Variants in CADM1 observed in about 807,000 individuals in gnomAD.
CADM1 encodes TSLC-1.
CADM1 carries 15 observed loss-of-function variants against 53.1 expected under a neutral mutation model. That is an observed-to-expected ratio of 0.28 (90% CI 0.19 to 0.44). CADM1 has a LOEUF of 0.44. CADM1 is among the 20% of genes least tolerant of loss of function. The probability of loss-of-function intolerance (pLI) is 1.00; values close to 1 mark genes in which losing one functional copy is unlikely to be tolerated. For synonymous variants in CADM1, 281 were observed against 243.0 expected (o/e 1.16, Z -1.45); for missense variants, 434 against 611.3 (o/e 0.71, Z 3.06).
intron 1 of CADM1, among the ~76,000 whole-genome samples, chr11:115,474,889 G>A (rs1014999827): frequency 2.0e-5 from 3 of 152,040 alleles, no homozygotes; most frequent in African/African-American, 7.2e-5. Flanking sequence ...ATACTTACTA[G>A]AATGACTACA....
intron 7 of CADM1, among the ~76,000 whole-genome samples, chr11:115,211,478 T>TC (rs1445232404): frequency 1.4e-5 from 2 of 141,642 alleles, no homozygotes; most frequent in Non-Finnish European, 1.5e-5. Flanking sequence ...CCTATTTCTT[T>TC]TTTTTTTTTT....
intron 1 of CADM1, among the ~76,000 whole-genome samples, chr11:115,318,241 G>A (rs985884500): frequency 6.6e-5 from 10 of 151,924 alleles, no homozygotes; most frequent in African/African-American, 1.9e-4. Flanking sequence ...AAAGCCCTTC[G>A]TTCTTTCATA....
intron 1 of CADM1, among the ~76,000 whole-genome samples, chr11:115,371,971 T>G (rs556601049): frequency 9.9e-5 from 15 of 152,222 alleles, no homozygotes; most frequent in Admixed American, 2.6e-4. Flanking sequence ...TACCTTTTCA[T>G]CTGATATCAT....
chr11:115,217,816 A>G (rs1941250165), intron 6 of CADM1, 76 bp downstream of exon 6: 13 of 895,312 alleles, frequency 1.5e-5, no homozygotes, highest in Non-Finnish European at 2.3e-5. Context: ...CAGGCCAAGG[A>G]CTGGTGAATG....
chr11:115,336,623 C>A (rs980880805), intron 1 of CADM1, among the ~76,000 whole-genome samples: 16 of 151,992 alleles, frequency 1.1e-4, no homozygotes, highest in Non-Finnish European at 2.9e-5. Context: ...TTAATCAGAA[C>A]CAAAATAAGT....
intron 4 of CADM1, among the ~76,000 whole-genome samples, 198 bp from the exon 5 acceptor site, chr11:115,229,469 C>A (rs1941741384): frequency 2.0e-5 from 3 of 152,246 alleles, no homozygotes; most frequent in African/African-American, 7.2e-5. Context: ...TTCAACCAGG[C>A]AGCATAGTAT....
chr11:115,348,796 A>G (rs955123986), intron 1 of CADM1, among the ~76,000 whole-genome samples: 1 of 152,228 alleles, frequency 6.6e-6, no homozygotes, highest in Non-Finnish European at 1.5e-5. Flanking sequence ...GAAATAAAAC[A>G]TGATTAATTT....
At chr11:115,259,384 C>T (rs1422239518) in intron 1 of CADM1, among the ~76,000 whole-genome samples, 2 of 145,082 alleles carry the variant, frequency 1.4e-5, no homozygotes, top group African/African-American at 5.2e-5. Flanking sequence ...CGGCTCACCG[C>T]AACCTCTGCC....
intron 1 of CADM1, among the ~76,000 whole-genome samples, chr11:115,353,151 A>C (rs1442752947): frequency 2.0e-5 from 3 of 152,252 alleles, no homozygotes; most frequent in Non-Finnish European, 4.4e-5. Context: ...GTTTTTGTTC[A>C]AGAAAAACGG....
At chr11:115,428,113 C>T (rs1353890149) in intron 1 of CADM1, among the ~76,000 whole-genome samples, 1 of 150,646 alleles carries the variant, frequency 6.6e-6, no homozygotes, top group African/African-American at 2.4e-5. Context: ...ATTAGATGAA[C>T]CTGTTCTACC....
intron 10 of CADM1, 48 bp downstream of exon 10, chr11:115,190,840 A>C (rs758314908): frequency 1.3e-6 from 2 of 1,486,208 alleles, no homozygotes; most frequent in South Asian, 2.4e-5. Context: ...TGGATAGAGC[A>C]CCCACAGGTT....
At chr11:115,444,523 C>T (rs550790833) in intron 1 of CADM1, among the ~76,000 whole-genome samples, 3 of 152,188 alleles carry the variant, frequency 2.0e-5, no homozygotes, top group African/African-American at 4.8e-5. Context: ...AATCTTTTTC[C>T]GAACAGTGAA....
At chr11:115,472,518 A>G (rs944039725) in intron 1 of CADM1, among the ~76,000 whole-genome samples, 6 of 152,266 alleles carry the variant, frequency 3.9e-5, no homozygotes, top group Admixed American at 3.3e-4. Context: ...TTAACAAATC[A>G]ATGTACAGGC....
Position 115,209,609 on chromosome 11 carries a change from G to T in CADM1, c.1043C>A (p.Thr348Asn). ...GGTAAGGATGGTGGTGGTGGTGGTGGTGGTGGTGGTGGTGGTTGTTGTGGG... is the reference window on the plus strand; with the variant it reads ...GGTAAGGATGGTGGTGGTGGTGGTGTTGGTGGTGGTGGTGGTTGTTGTGGG... ...PPPTTTTTTT[T>N]TTTTTILTII... The change falls in exon 8 of 12, where the codon ACC becomes AAC. Residue 348 changes from threonine (T) to asparagine (N), a missense_variant. This residue lies in a region of CADM1 where 311 missense variants were observed against 435.1 expected (regional missense o/e 0.71). Coordinates refer to ENST00000331581, the MANE Select transcript of CADM1 (RefSeq NM_001301043.2). 1 of 1,612,406 alleles carries T rather than the reference G, an allele frequency of 6.2e-7. No individual in the cohort carries two copies. The highest frequency in any genetic ancestry group is 1.3e-5 in the African/African-American group (1 of 74,866).
intron 1 of CADM1, among the ~76,000 whole-genome samples, chr11:115,452,194 A>G (rs934527787): frequency 4.6e-5 from 7 of 151,926 alleles, no homozygotes; most frequent in African/African-American, 1.7e-4. Context: ...TCATCCACAA[A>G]GACAAGCTCA....
chr11:115,178,567 C>A, intron 11 of CADM1, 77 bp downstream of exon 11: 3 of 1,381,692 alleles, frequency 2.2e-6, no homozygotes, highest in South Asian at 1.1e-5. Flanking sequence ...AATTGCCTAT[C>A]AAGGACAACC....
At chr11:115,181,387 G>A (rs904588203) in intron 10 of CADM1, among the ~76,000 whole-genome samples, 1 of 152,062 alleles carries the variant, frequency 6.6e-6, no homozygotes, top group African/African-American at 2.4e-5. Context: ...AACCTTAGAT[G>A]TTCTAGTTAT....
At chr11:115,497,300 A>G (rs1047333305) in intron 1 of CADM1, among the ~76,000 whole-genome samples, 3 of 152,204 alleles carry the variant, frequency 2.0e-5, no homozygotes. Context: ...GTATTCCAGT[A>G]AAACATCTAC....
chr11:115,177,349 C>T (rs892157651), intron 11 of CADM1, among the ~76,000 whole-genome samples: 1 of 152,176 alleles, frequency 6.6e-6, no homozygotes, highest in Non-Finnish European at 1.5e-5. Context: ...ACACTCTTAT[C>T]ACCAAATCCC....
Sources: gnomAD v4.1 joint callset for allele counts (sites outside exome capture counted in the v4.1 genomes callset) on GRCh38, gnomAD v4.1.1 for gene constraint, gnomAD v4.1.1 regional missense constraint, MANE v1.5 for transcripts, NCBI Gene and HGNC (gene_info 2026-07-23, HGNC 2026-07-21) for gene names.